Variants in WNT9B observed in about 807,000 individuals in gnomAD.
WNT9B encodes Wnt family member 9B, also known as protein Wnt-9b.
In WNT9B, 12 loss-of-function variants were observed where a neutral mutation model predicts 30.2. The ratio of observed to expected loss-of-function variants is 0.40; its 90% CI spans 0.26 to 0.64. The LOEUF (loss-of-function observed/expected upper bound fraction) is 0.64. WNT9B is among the 30% of genes least tolerant of loss of function. The pLI is 0.42. For synonymous variants in WNT9B, 218 were observed against 216.9 expected (o/e 1.01, Z -0.05); for missense variants, 442 against 485.2 (o/e 0.91, Z 0.84).
chr17:46,849,849 C>CTTTTT (rs761797393), upstream of WNT9B, among the ~76,000 whole-genome samples: 34 of 145,792 alleles, frequency 2.3e-4, 1 homozygote, highest in South Asian at 2.2e-4. Flanking sequence ...CATTTAATAT[C>CTTTTT]TTTTTTTTTT....
chr17:46,851,217 C>T (rs1401663069), upstream of WNT9B, among the ~76,000 whole-genome samples: 1 of 152,146 alleles, frequency 6.6e-6, no homozygotes, highest in Non-Finnish European at 1.5e-5. The surrounding 1 kb of genome is among the most constrained non-coding windows in gnomAD (Gnocchi z 4.3). Context: ...ACCTTCTCTA[C>T]CTCGGAGAAG....
intron 2 of WNT9B, 126 bp downstream of exon 2, chr17:46,872,899 C>A: frequency 8.6e-7 from 1 of 1,164,218 alleles, no homozygotes; most frequent in Non-Finnish European, 1.2e-6. Context: ...CCTTCCTGCC[C>A]TAGCACGGTC....
chr17:46,866,921 T>C (rs919399629), intron 1 of WNT9B, among the ~76,000 whole-genome samples: 3 of 152,190 alleles, frequency 2.0e-5, no homozygotes, highest in Admixed American at 2.0e-4. Context: ...TCCACCAACC[T>C]GGTCTTCCCC....
Position 46,878,726 on chromosome 17 carries a change from A to G in WNT9B, c.*2008A>G, listed in dbSNP as rs1490574380. 6.6e-6 allele frequency among the ~76,000 whole-genome samples: 1 copy of G among 152,106 alleles called. No homozygotes were observed. The highest frequency in any genetic ancestry group is 6.6e-5 in the Admixed American group (1 of 15,266). On this transcript the variant is annotated 3_prime_UTR_variant, in exon 4 of 4. Transcript: ENST00000290015. ...CTGGCAGAGCAGGGGGCCTGGGAGC[A>G]ACGTGGAGGCCAGAGCACCCTGATC...
intron 2 of WNT9B, among the ~76,000 whole-genome samples, chr17:46,874,014 G>C (rs2085300824): frequency 6.6e-6 from 1 of 151,088 alleles, no homozygotes; most frequent in Non-Finnish European, 1.5e-5. Context: ...AAAATGCAGT[G>C]ATGCTGTACA....
At position 46,852,884 on chromosome 17, in the gene WNT9B, C is replaced by G. The variant is rs150572498; in HGVS notation, c.77+1169C>G. ...CACAGGTTGGAGTAAGGGCTGTGGG[C>G]TAATTTCCAGGTCATGACCCCTGGT... On this transcript the variant is annotated intron_variant, in intron 1 of 3. Transcript: ENST00000290015. Among the ~76,000 whole-genome samples, 81 of 152,218 alleles carry G rather than the reference C, an allele frequency of 5.3e-4. No individual in the cohort carries two copies. In the Middle Eastern group the frequency reaches 0.01, roughly 19 times the overall value.
chr17:46,866,902 G>T (rs2085149221), intron 1 of WNT9B, among the ~76,000 whole-genome samples: 1 of 152,164 alleles, frequency 6.6e-6, no homozygotes, highest in Admixed American at 6.5e-5. Flanking sequence ...TAGGTGATGA[G>T]AAAAGCTCTC....
intron 2 of WNT9B, among the ~76,000 whole-genome samples, 173 bp downstream of exon 2, chr17:46,872,946 G>A (rs2085276857): frequency 6.6e-6 from 1 of 152,270 alleles, no homozygotes; most frequent in East Asian, 1.9e-4. Context: ...ATGAGGGGCA[G>A]TTGAAGGCCA....
downstream of WNT9B, among the ~76,000 whole-genome samples, chr17:46,882,277 CTCTT>C (rs1282289226): frequency 6.6e-6 from 1 of 152,332 alleles, no homozygotes; most frequent in East Asian, 1.9e-4. Context: ...AACAGTCCCC[CTCTT>C]TCTTTGCTTT....
At chr17:46,875,831 C>T (rs2085335763) in intron 3 of WNT9B, among the ~76,000 whole-genome samples, 2 of 152,164 alleles carry the variant, frequency 1.3e-5, no homozygotes, top group Admixed American at 6.5e-5. Flanking sequence ...AGTGGGAGGT[C>T]TGGAGGGTGA....
chr17:46,851,565 G>A, upstream of WNT9B: 1 of 847,918 alleles, frequency 1.2e-6, no homozygotes, highest in Non-Finnish European at 1.6e-6. The surrounding 1 kb of genome is among the most constrained non-coding windows in gnomAD (Gnocchi z 4.3). Context: ...TTAAAGTCCC[G>A]CGGGCGGGTG....
chr17:46,860,566 C>T (rs927795211), intron 1 of WNT9B, among the ~76,000 whole-genome samples: 3 of 152,216 alleles, frequency 2.0e-5, no homozygotes, highest in Non-Finnish European at 4.4e-5. Flanking sequence ...TAATCTTGAT[C>T]TCTTAGGCTT....
rs906423461 is a variant in WNT9B at position 46,879,822 on chromosome 17, C to T, written c.*3104C>T. On this transcript the variant is annotated 3_prime_UTR_variant, in exon 4 of 4. Coordinates refer to ENST00000290015, the MANE Select transcript of WNT9B (RefSeq NM_003396.3). ...ATCCCAGCCTTTTGGATCTGGATGG[C>T]ATGTTGGCACTTCCCCCAAGTGGAG... Among the ~76,000 whole-genome samples the T allele has an allele frequency of 2.0e-5, 3 of 152,178 alleles. No individual in the cohort carries two copies. The highest frequency in any genetic ancestry group is 7.2e-5 in the African/African-American group (3 of 41,462).
chr17:46,879,388 G>C lies in WNT9B; in HGVS notation c.*2670G>C, dbSNP rs1237652436. On this transcript the variant is annotated 3_prime_UTR_variant, in exon 4 of 4. Coordinates refer to ENST00000290015, the MANE Select transcript of WNT9B (RefSeq NM_003396.3). ...GGTGGGCTCCATCCAGACCCTCCTT[G>C]TGATGTTTTTGTAGATTTTCTGCCC... 6.6e-6 allele frequency among the ~76,000 whole-genome samples: 1 copy of C among 152,210 alleles called. No homozygotes were observed. Among genetic ancestry groups the C allele is most frequent in the Admixed American group, 6.5e-5 (1 of 15,280 alleles).
intron 1 of WNT9B, among the ~76,000 whole-genome samples, chr17:46,869,737 G>A (rs1395680921): frequency 1.3e-5 from 2 of 152,132 alleles, no homozygotes; most frequent in East Asian, 3.8e-4. Flanking sequence ...AGTGGCTCAC[G>A]TCTGTAATTC....
At chr17:46,880,608 TC>T (rs1195794142), downstream of WNT9B, among the ~76,000 whole-genome samples, 1 of 152,154 alleles carries the variant, frequency 6.6e-6, no homozygotes, top group African/African-American at 2.4e-5. Flanking sequence ...TTGGACATGG[TC>T]CCCGTAATGG....
downstream of WNT9B, chr17:46,885,218 C>A: frequency 3.2e-6 from 1 of 308,052 alleles, no homozygotes; most frequent in South Asian, 2.5e-5. Flanking sequence ...GTTGGTCAGG[C>A]TGGTCTCGAA....
intron 1 of WNT9B, among the ~76,000 whole-genome samples, chr17:46,859,166 G>C (rs1277337618): frequency 1.3e-5 from 2 of 151,820 alleles, no homozygotes; most frequent in African/African-American, 2.4e-5. Context: ...AGTGGAGATG[G>C]GGTTTCACCA....
intron 2 of WNT9B, 50 bp from the exon 3 acceptor site, chr17:46,875,051 C>G: frequency 1.2e-6 from 2 of 1,613,208 alleles, no homozygotes. Context: ...TTCCTCCTTT[C>G]CTCTCTTCCC....
Sources: allele counts gnomAD v4.1 joint callset (sites outside exome capture counted in the v4.1 genomes callset), GRCh38; gene constraint gnomAD v4.1.1; non-coding constraint Gnocchi (gnomAD v3.1); transcripts MANE v1.5; gene names NCBI Gene and HGNC (gene_info 2026-07-23, HGNC 2026-07-21).